Variants in TCF12 observed in about 807,000 individuals in gnomAD.
TCF12 encodes DNA-binding protein HTF4.
Under a neutral mutation model 86.0 loss-of-function variants are expected in TCF12, and 45 were observed. The ratio of observed to expected loss-of-function variants is 0.52; its 90% CI spans 0.41 to 0.67. The LOEUF is 0.67. Among genes scored for constraint, TCF12 ranks in the 30% least tolerant of loss-of-function variants. The pLI, the probability that TCF12 is intolerant of heterozygous loss-of-function variation, is 0.00. For synonymous variants in TCF12, 330 were observed against 299.6 expected (o/e 1.10, Z -1.05); for missense variants, 881 against 859.9 (o/e 1.02, Z -0.31).
rs1201255415 is a variant in TCF12 at position 57,289,304 on chromosome 15, T to C, written c.*3159T>C. The C allele has an allele frequency of 4.6e-5, 7 of 152,210 alleles. No individual in the cohort carries two copies. The highest frequency in any genetic ancestry group is 1.3e-4 in the Admixed American group (2 of 15,282). 9.4% of individuals were successfully genotyped at this position (152,210 alleles called of 1,614,324 possible). A position where few individuals can be genotyped will look rare whatever the true frequency, so the allele number is the denominator to read the frequency against. ...AATAAAAAGCTCTAAGAAGAAAATGTATAATCTTAGAGCTGAAATAAAATA... is the reference window on the plus strand; with the variant it reads ...AATAAAAAGCTCTAAGAAGAAAATGCATAATCTTAGAGCTGAAATAAAATA... On this transcript the variant is annotated 3_prime_UTR_variant, in exon 21 of 21. Transcript: ENST00000333725.
intron 3 of TCF12, among the ~76,000 whole-genome samples, chr15:56,982,546 CAA>C (rs2062946522): frequency 6.6e-6 from 1 of 152,112 alleles, no homozygotes; most frequent in East Asian, 1.9e-4. Context: ...AGTTTTCAGA[CAA>C]ATTTGCAGAA....
intron 5 of TCF12, among the ~76,000 whole-genome samples, chr15:57,139,852 C>T (rs1690253229): frequency 6.6e-6 from 1 of 152,142 alleles, no homozygotes; most frequent in South Asian, 2.1e-4. Context: ...CTGGAAATTA[C>T]AGTAAGCCAG....
intron 3 of TCF12, among the ~76,000 whole-genome samples, chr15:56,957,612 C>A (rs1181436435): frequency 6.6e-6 from 1 of 152,116 alleles, no homozygotes. Context: ...ATATAGAGCA[C>A]GTAATAACTA....
Position 57,007,290 on chromosome 15 carries a change from G to A in TCF12, c.149-56460G>A, listed in dbSNP as rs1596079581. ...AAAATGTTTTCAGAAAGGCAAGCAT[G>A]GGGTCAGTATTTTCTGTCTTTCCCC... On this transcript the variant is annotated intron_variant, in intron 3 of 20. Transcript: ENST00000333725. Among the ~76,000 whole-genome samples the A allele has an allele frequency of 2.0e-5, 3 of 152,262 alleles. No homozygotes were observed. In the East Asian group the frequency reaches 5.8e-4, roughly 29 times the overall value.
At chr15:57,004,283 G>GACA (rs2064219651) in intron 3 of TCF12, among the ~76,000 whole-genome samples, 1 of 151,582 alleles carries the variant, frequency 6.6e-6, no homozygotes, top group African/African-American at 2.4e-5. Flanking sequence ...GCCCAGGCTG[G>GACA]AGTTCAATGG....
intron 6 of TCF12, among the ~76,000 whole-genome samples, chr15:57,181,257 T>G (rs1014308666): frequency 1.3e-5 from 2 of 152,112 alleles, no homozygotes; most frequent in East Asian, 3.9e-4. Flanking sequence ...TTTCCCTTTC[T>G]GTTTTTTTTA....
At chr15:57,094,561 G>A (rs1323801912) in intron 5 of TCF12, among the ~76,000 whole-genome samples, 4 of 152,172 alleles carry the variant, frequency 2.6e-5, no homozygotes, top group South Asian at 2.1e-4. Flanking sequence ...TTTTCTGGCC[G>A]TTTGTTAATT....
At chr15:56,977,712 ATC>A (rs1456579081) in intron 3 of TCF12, among the ~76,000 whole-genome samples, 2 of 152,156 alleles carry the variant, frequency 1.3e-5, no homozygotes, top group African/African-American at 4.8e-5. Flanking sequence ...GGAAAAAGTA[ATC>A]TGTTTTTGGC....
chr15:57,204,657 G>A (rs1345354501), intron 8 of TCF12, among the ~76,000 whole-genome samples: 2 of 152,072 alleles, frequency 1.3e-5, no homozygotes, highest in African/African-American at 4.8e-5. Context: ...CATAAAGACT[G>A]CTAGACCATG....
chr15:57,234,622 G>A (rs181421348), intron 12 of TCF12, among the ~76,000 whole-genome samples: 6 of 152,292 alleles, frequency 3.9e-5, no homozygotes, highest in Non-Finnish European at 5.9e-5. Flanking sequence ...GAAGGAATCC[G>A]ATAGTATTTT....
At chr15:56,984,852 A>C (rs2063105112) in intron 3 of TCF12, among the ~76,000 whole-genome samples, 1 of 152,230 alleles carries the variant, frequency 6.6e-6, no homozygotes, top group Admixed American at 6.5e-5. Context: ...ATAAGATCTC[A>C]GATGACCTCA....
chr15:57,186,649 A>T (rs1400399206), intron 6 of TCF12, among the ~76,000 whole-genome samples: 3 of 152,258 alleles, frequency 2.0e-5, no homozygotes, highest in Non-Finnish European at 4.4e-5. Context: ...CAAATATTAC[A>T]GGATAAAGGA....
chr15:57,077,838 A>C (rs993260591), intron 4 of TCF12, among the ~76,000 whole-genome samples: 6 of 151,890 alleles, frequency 4.0e-5, no homozygotes, highest in African/African-American at 1.4e-4. Flanking sequence ...TACTTCTTCA[A>C]ATTTATTGAC....
intron 8 of TCF12, among the ~76,000 whole-genome samples, chr15:57,205,925 A>G (rs973643708): frequency 5.3e-5 from 8 of 152,222 alleles, no homozygotes; most frequent in Non-Finnish European, 1.2e-4. Flanking sequence ...ATGGCTGTAT[A>G]CAGTGATACT....
At chr15:57,104,510 C>T (rs1408033195) in intron 5 of TCF12, among the ~76,000 whole-genome samples, 2 of 134,260 alleles carry the variant, frequency 1.5e-5, no homozygotes, top group Non-Finnish European at 3.1e-5. Flanking sequence ...GGAGCGATCT[C>T]GGCTCACCAC....
intron 4 of TCF12, chr15:57,072,520 A>G (rs2069488936): frequency 5.4e-6 from 2 of 373,156 alleles, no homozygotes; most frequent in South Asian, 7.8e-5. Flanking sequence ...TTTTCTCAAA[A>G]TTGTGTGTTT....
At chr15:57,066,917 C>T (rs1319139676) in intron 4 of TCF12, among the ~76,000 whole-genome samples, 1 of 152,204 alleles carries the variant, frequency 6.6e-6, no homozygotes, top group African/African-American at 2.4e-5. Flanking sequence ...GCTATGTACA[C>T]TATTTGCCTT....
At chr15:57,113,894 T>A (rs1230806784) in intron 5 of TCF12, among the ~76,000 whole-genome samples, 1 of 151,930 alleles carries the variant, frequency 6.6e-6, no homozygotes, top group Admixed American at 6.5e-5. Flanking sequence ...AGGTAGAGGC[T>A]GGAGTAAGCC....
chr15:56,948,560 G>A (rs749471108), intron 3 of TCF12, among the ~76,000 whole-genome samples: 1 of 152,138 alleles, frequency 6.6e-6, no homozygotes, highest in Non-Finnish European at 1.5e-5. Flanking sequence ...TGTTTAAACT[G>A]GAGTGAATAC....
Sources: gnomAD v4.1 joint callset for allele counts (sites outside exome capture counted in the v4.1 genomes callset) on GRCh38, gnomAD v4.1.1 for gene constraint, MANE v1.5 for transcripts, NCBI Gene and HGNC (gene_info 2026-07-23, HGNC 2026-07-21) for gene names.